The following ROBO2 variants were observed in gnomAD, a reference collection of about 807,000 sequenced individuals.
ROBO2 encodes roundabout guidance receptor 2.
ROBO2 carries 53 observed loss-of-function variants against 160.8 expected under a neutral mutation model. The ratio of observed to expected loss-of-function variants is 0.33; its 90% CI spans 0.26 to 0.41. The LOEUF is 0.41. Ranked by LOEUF, ROBO2 falls within the 10% of genes least tolerant of loss-of-function variation. ROBO2 has a pLI of 1.00. For synonymous variants in ROBO2, 664 were observed against 611.7 expected (o/e 1.09, Z -1.26); for missense variants, 1,577 against 1,722.4 (o/e 0.92, Z 1.49).
At chr3:76,036,410 A>G (rs541624532) in intron 2 of ROBO2, among the ~76,000 whole-genome samples, 1 of 151,976 alleles carries the variant, frequency 6.6e-6, no homozygotes, top group Non-Finnish European at 1.5e-5. Context: ...TTGGCCTCCC[A>G]AAGTGCTGGG....
intron 2 of ROBO2, among the ~76,000 whole-genome samples, chr3:76,641,482 A>G (rs2109702237): frequency 6.6e-6 from 1 of 152,268 alleles, no homozygotes; most frequent in East Asian, 1.9e-4. Flanking sequence ...CCTTTTTTCA[A>G]AAGTACATAG....
chr3:76,672,127 T>C (rs1303816038), intron 2 of ROBO2, among the ~76,000 whole-genome samples: 1 of 152,164 alleles, frequency 6.6e-6, no homozygotes, highest in Non-Finnish European at 1.5e-5. Flanking sequence ...GTAGAAATCT[T>C]AGTGAGGGCC....
At chr3:76,900,498 A>G (rs2075137286) in intron 2 of ROBO2, among the ~76,000 whole-genome samples, 1 of 152,072 alleles carries the variant, frequency 6.6e-6, no homozygotes, top group Admixed American at 6.6e-5. Context: ...TAAATCCTGG[A>G]TTATCATGCT....
chr3:76,462,946 C>A (rs749712169), intron 2 of ROBO2, among the ~76,000 whole-genome samples: 1 of 152,180 alleles, frequency 6.6e-6, no homozygotes, highest in South Asian at 2.1e-4. Context: ...TTGGCTGATT[C>A]ATGGTTGTTT....
intron 2 of ROBO2, among the ~76,000 whole-genome samples, chr3:77,447,045 C>A (rs2080599686): frequency 6.6e-6 from 1 of 151,958 alleles, no homozygotes; most frequent in Non-Finnish European, 1.5e-5. Context: ...TCCTGGATAG[C>A]CAGAAGTTTT....
At chr3:76,213,978 G>A (rs960319954) in intron 2 of ROBO2, among the ~76,000 whole-genome samples, 4 of 151,960 alleles carry the variant, frequency 2.6e-5, no homozygotes, top group African/African-American at 7.3e-5. Context: ...TTCTCTACTC[G>A]GTCTGCTAAT....
intron 2 of ROBO2, among the ~76,000 whole-genome samples, chr3:76,029,457 C>T (rs1439982635): frequency 6.6e-6 from 1 of 151,998 alleles, no homozygotes; most frequent in East Asian, 1.9e-4. Context: ...TGTTGGTGTG[C>T]TGTACCCATT....
chr3:77,147,040 T>G (rs1560107494), intron 2 of ROBO2, among the ~76,000 whole-genome samples: 1 of 152,182 alleles, frequency 6.6e-6, no homozygotes, highest in African/African-American at 2.4e-5. Context: ...GACTCATATC[T>G]GGGATATATG....
intron 2 of ROBO2, among the ~76,000 whole-genome samples, chr3:76,420,754 T>C (rs2075963262): frequency 6.6e-6 from 1 of 152,216 alleles, no homozygotes; most frequent in South Asian, 2.1e-4. Flanking sequence ...TAAACATTTC[T>C]CTCCAGTGGA....
At chr3:77,607,413 T>C (rs900854101) in intron 20 of ROBO2, among the ~76,000 whole-genome samples, 4 of 152,160 alleles carry the variant, frequency 2.6e-5, no homozygotes, top group African/African-American at 9.7e-5. Context: ...CCTTGCATTT[T>C]CCACTGAGAG....
At chr3:76,493,644 G>A (rs958051556) in intron 2 of ROBO2, among the ~76,000 whole-genome samples, 2 of 151,788 alleles carry the variant, frequency 1.3e-5, no homozygotes, top group Non-Finnish European at 2.9e-5. Context: ...TTTTCTTGAT[G>A]ACATTCACTG....
At chr3:77,197,794 T>C (rs1021512781) in intron 2 of ROBO2, among the ~76,000 whole-genome samples, 2 of 152,172 alleles carry the variant, frequency 1.3e-5, no homozygotes, top group African/African-American at 4.8e-5. Flanking sequence ...AATGGGAGGT[T>C]ATCTCAGGTT....
rs1044611826 is a variant in ROBO2 at position 77,429,177 on chromosome 3, G to C, written c.389-48237G>C. Reference sequence around the variant, plus strand: ...AAAGTGTGCATTCAAAAGTATTCCTGGTTACTCTTGAATGTGGACTTGTGG... The same window carrying C: ...AAAGTGTGCATTCAAAAGTATTCCTCGTTACTCTTGAATGTGGACTTGTGG... On this transcript the variant is annotated intron_variant, in intron 2 of 25. Coordinates refer to ENST00000461745, the Ensembl canonical transcript of ROBO2. 4.6e-5 allele frequency among the ~76,000 whole-genome samples: 7 copies of C among 152,028 alleles called. No individual in the cohort carries two copies. In the East Asian group the frequency reaches 1.4e-3, roughly 29 times the overall value.
At chr3:75,915,556 A>G (rs1384670482) in intron 1 of ROBO2, among the ~76,000 whole-genome samples, 2 of 152,166 alleles carry the variant, frequency 1.3e-5, no homozygotes, top group African/African-American at 4.8e-5. Flanking sequence ...TGAATTCTGA[A>G]TTTGCAATAT....
intron 2 of ROBO2, among the ~76,000 whole-genome samples, chr3:76,938,510 T>A (rs564652607): frequency 6.6e-6 from 1 of 152,288 alleles, no homozygotes; most frequent in South Asian, 2.1e-4. Context: ...TTCTCTCTGG[T>A]GATCTGCTCT....
intron 2 of ROBO2, among the ~76,000 whole-genome samples, chr3:76,810,834 G>A (rs1259668729): frequency 6.6e-6 from 1 of 152,084 alleles, no homozygotes; most frequent in African/African-American, 2.4e-5. Context: ...ATTAAGAAAG[G>A]TATTAAGAAA....
At chr3:77,420,591 AACAG>A (rs2077627401) in intron 2 of ROBO2, among the ~76,000 whole-genome samples, 1 of 152,132 alleles carries the variant, frequency 6.6e-6, no homozygotes, top group Non-Finnish European at 1.5e-5. Context: ...ATTTCAGCCA[AACAG>A]ACAGGATTGA....
At chr3:76,214,065 C>A (rs1327422184) in intron 2 of ROBO2, among the ~76,000 whole-genome samples, 1 of 152,118 alleles carries the variant, frequency 6.6e-6, no homozygotes, top group Admixed American at 6.5e-5. Flanking sequence ...CTGAGAATCC[C>A]TTAGCTCAGT....
At chr3:77,494,673 C>A (rs1322550950) in intron 5 of ROBO2, among the ~76,000 whole-genome samples, 1 of 152,184 alleles carries the variant, frequency 6.6e-6, no homozygotes, top group African/African-American at 2.4e-5. Flanking sequence ...AGCTGTATAC[C>A]TTTTATGTGC....
Sources: allele counts gnomAD v4.1 joint callset (sites outside exome capture counted in the v4.1 genomes callset), GRCh38; gene constraint gnomAD v4.1.1; transcripts MANE v1.5; gene names NCBI Gene and HGNC (gene_info 2026-07-23, HGNC 2026-07-21).